Variants in ACMSD observed in about 807,000 individuals in gnomAD.
ACMSD encodes the protein aminocarboxymuconate semialdehyde decarboxylase, also known as 2-amino-3-carboxymuconate-6-semialdehyde decarboxylase.
In ACMSD, 37 loss-of-function variants were observed where a neutral mutation model predicts 45.9. That is an observed-to-expected ratio of 0.81 (90% CI 0.62 to 1.06). The LOEUF is 1.06. Among genes scored for constraint, ACMSD ranks in the 50% least tolerant of loss-of-function variants. The probability of loss-of-function intolerance (pLI) is 0.00; values close to 1 mark genes in which losing one functional copy is unlikely to be tolerated. For missense variants in ACMSD, 434 were observed against 420.9 expected (o/e 1.03, Z -0.27); for synonymous variants, 138 against 148.8 (o/e 0.93, Z 0.53).
chr2:134,892,065 T>C (rs562088134), intron 8 of ACMSD, among the ~76,000 whole-genome samples: 3 of 152,156 alleles, frequency 2.0e-5, no homozygotes, highest in African/African-American at 7.2e-5. Context: ...AAATAGATAC[T>C]GGGGACTTGG....
chr2:134,878,510 A>G (rs997422270), intron 8 of ACMSD, among the ~76,000 whole-genome samples: 1 of 152,040 alleles, frequency 6.6e-6, no homozygotes, highest in Non-Finnish European at 1.5e-5. Flanking sequence ...TATATTTTGT[A>G]GAGACAGGGT....
chr2:134,869,856 T>G (rs1573663452), intron 6 of ACMSD, among the ~76,000 whole-genome samples: 1 of 152,202 alleles, frequency 6.6e-6, no homozygotes, highest in African/African-American at 2.4e-5. Flanking sequence ...GACTGCTATA[T>G]GGAGAATGGA....
chr2:134,874,092 T>C (rs1688607709), intron 8 of ACMSD, among the ~76,000 whole-genome samples: 1 of 152,214 alleles, frequency 6.6e-6, no homozygotes, highest in South Asian at 2.1e-4. Flanking sequence ...GCAATACACA[T>C]TGGCCAGGGG....
At chr2:134,885,012 A>G (rs888473738) in intron 8 of ACMSD, among the ~76,000 whole-genome samples, 4 of 151,298 alleles carry the variant, frequency 2.6e-5, no homozygotes, top group Admixed American at 1.3e-4. Flanking sequence ...CCTGGCCAAC[A>G]TGGTGAAACC....
At chr2:134,887,028 A>C (rs988868284) in intron 8 of ACMSD, among the ~76,000 whole-genome samples, 3 of 152,232 alleles carry the variant, frequency 2.0e-5, no homozygotes, top group African/African-American at 7.2e-5. Flanking sequence ...AATAAACTGA[A>C]ATGATGTGTA....
At position 134,896,326 on chromosome 2, in the gene ACMSD, T is replaced by G. The variant is rs530450568; in HGVS notation, c.850-2015T>G. Among the ~76,000 whole-genome samples the G allele has an allele frequency of 2.6e-5, 4 of 152,272 alleles. No homozygotes were observed. In the East Asian group the frequency reaches 7.7e-4, roughly 29 times the overall value. ...AGAAGACTTCATCAAAATTTAAAAC[T>G]TTTGTGCTTCAAAAGACAATACCAA... On this transcript the variant is annotated intron_variant, in intron 8 of 9. Coordinates refer to ENST00000356140, the MANE Select transcript of ACMSD (RefSeq NM_138326.3).
chr2:134,845,571 C>T (rs1687019199), intron 2 of ACMSD, among the ~76,000 whole-genome samples: 1 of 147,236 alleles, frequency 6.8e-6, no homozygotes, highest in Admixed American at 6.9e-5. Flanking sequence ...TCCCCACCCC[C>T]ACCAACCAGT....
chr2:134,859,247 GT>G lies in ACMSD; in HGVS notation c.103-10del. The G allele has an allele frequency of 6.2e-7, 1 of 1,613,232 alleles. No individual in the cohort carries two copies. The highest frequency in any genetic ancestry group is 1.1e-5 in the South Asian group (1 of 90,992). On this transcript the variant is annotated splice_polypyrimidine_tract_variant and intron_variant, in intron 2 of 9. Transcript: ENST00000356140. The stretch of plus-strand genomic sequence containing the variant: ...CTTAGGTTGCATTTTAGTAATGTGG[GT>G]TTTCTGCCCCAGGGAGAAGCAAAGT...
In ACMSD at chr2:134,859,287, G is replaced by A; in HGVS notation, c.129G>A (p.Gly43=). The change falls in exon 3 of 10, where the codon GGG becomes GGA. Residue 43 remains glycine, a synonymous_variant. Coordinates refer to ENST00000356140, the MANE Select transcript of ACMSD (RefSeq NM_138326.3). ...SKGEAKLLKD[G]KVFRVVRENC... Reference sequence around the variant, plus strand: ...GAGAAGCAAAGTTGTTGAAAGATGGGAAAGTCTTCAGAGTGGTGCGAGAGA... The same window carrying A: ...GAGAAGCAAAGTTGTTGAAAGATGGAAAAGTCTTCAGAGTGGTGCGAGAGA... The A allele has an allele frequency of 6.2e-7, 1 of 1,614,074 alleles. No individual in the cohort carries two copies. The highest frequency in any genetic ancestry group is 8.5e-7 in the Non-Finnish European group (1 of 1,179,994).
At chr2:134,879,975 CCTT>C (rs1405862758) in intron 8 of ACMSD, among the ~76,000 whole-genome samples, 4 of 152,098 alleles carry the variant, frequency 2.6e-5, no homozygotes. Context: ...TGGTTTTACT[CCTT>C]CATCTTGGTG....
At chr2:134,900,149 C>T (rs1053800759) in intron 9 of ACMSD, among the ~76,000 whole-genome samples, 5 of 152,236 alleles carry the variant, frequency 3.3e-5, no homozygotes, top group African/African-American at 1.2e-4. Flanking sequence ...AGCAGTCCCC[C>T]CTTATCCTCA....
At position 134,873,884 on chromosome 2, in the gene ACMSD, GGACATT is replaced by G. The variant is rs564253523; in HGVS notation, c.849+1246_849+1251del. On this transcript the variant is annotated intron_variant, in intron 8 of 9. Transcript: ENST00000356140. ...AACTGAAAGAGACTTTGTGGGCTCT[GGACATT>G]GAGCAATGGAGGAAAGGAAGAGGGA... 1.2e-4 allele frequency among the ~76,000 whole-genome samples: 19 copies of G among 152,216 alleles called. No homozygotes were observed. The East Asian group carries it at 3.5e-3, about 28-fold the overall frequency.
chr2:134,845,353 G>A, intron 2 of ACMSD, 76 bp downstream of exon 2: 1 of 1,519,502 alleles, frequency 6.6e-7, no homozygotes, highest in South Asian at 1.1e-5. Flanking sequence ...CTGCAGGCTG[G>A]GCCTCCAGGG....
In ACMSD at chr2:134,863,414, T is replaced by G; in HGVS notation, c.269T>G (p.Leu90Ter). Residue 90 changes from leucine (L) to a stop codon, truncating the protein, a stop_gained, in exon 5 of 10, where the codon TTA (leucine) becomes TGA (stop). Coordinates refer to ENST00000356140, the MANE Select transcript of ACMSD (RefSeq NM_138326.3). LOFTEE classifies it high-confidence loss of function. ...CACCAGGCCAAACCTGAGGACACTT[T>G]AAACCTGTGCCAGCTTTTAAACAAC... ...FSYWAKPEDTLNLCQLLNNDL... is the reference protein window; with the variant it reads ...FSYWAKPEDT 3.7e-6 allele frequency: 6 copies of G among 1,614,240 alleles called. No individual in the cohort carries two copies. Among genetic ancestry groups the G allele is most frequent in the Non-Finnish European group, 5.1e-6 (6 of 1,180,042 alleles).
At chr2:134,884,918 A>G (rs1182266953) in intron 8 of ACMSD, among the ~76,000 whole-genome samples, 2 of 152,028 alleles carry the variant, frequency 1.3e-5, no homozygotes, top group Non-Finnish European at 2.9e-5. Context: ...GGCCTAGGCC[A>G]GGCACAGTGG....
intron 2 of ACMSD, among the ~76,000 whole-genome samples, chr2:134,847,888 G>A (rs1240783965): frequency 7.0e-6 from 1 of 142,210 alleles, no homozygotes; most frequent in African/African-American, 2.6e-5. Flanking sequence ...TTTCGCTCTT[G>A]TCACACAGGC....
chr2:134,880,924 AT>A (rs1442641619), intron 8 of ACMSD, among the ~76,000 whole-genome samples: 2 of 151,994 alleles, frequency 1.3e-5, no homozygotes, highest in Admixed American at 6.6e-5. Flanking sequence ...TTTCACCTCA[AT>A]TTTTTTTAAC....
intron 8 of ACMSD, among the ~76,000 whole-genome samples, chr2:134,880,642 C>T (rs921311531): frequency 1.3e-5 from 2 of 151,798 alleles, no homozygotes; most frequent in African/African-American, 4.8e-5. Context: ...AATACCTTTT[C>T]TTATCTCTCT....
intron 2 of ACMSD, among the ~76,000 whole-genome samples, chr2:134,850,462 T>C (rs1687284933): frequency 6.6e-6 from 1 of 152,058 alleles, no homozygotes; most frequent in Non-Finnish European, 1.5e-5. Context: ...GACACAGGGT[T>C]TCACCATGTC....
Sources: allele counts gnomAD v4.1 joint callset (sites outside exome capture counted in the v4.1 genomes callset), GRCh38; gene constraint gnomAD v4.1.1; transcripts MANE v1.5; gene names NCBI Gene and HGNC (gene_info 2026-07-23, HGNC 2026-07-21).